ASB3: variants seen among roughly 807,000 people sequenced by gnomAD.
ASB3 encodes the protein ankyrin repeat and SOCS box protein 3.
ASB3 carries 41 observed loss-of-function variants against 54.5 expected under a neutral mutation model. The ratio of observed to expected loss-of-function variants is 0.75; its 90% CI spans 0.59 to 0.98. The LOEUF is 0.98. ASB3 is among the 50% of genes least tolerant of loss of function. The probability of loss-of-function intolerance (pLI) is 0.00; values close to 1 mark genes in which losing one functional copy is unlikely to be tolerated. For missense variants in ASB3, 733 were observed against 620.0 expected, an observed-to-expected ratio of 1.18 and a Z score of -1.94; for synonymous variants, 266 against 221.2, an observed-to-expected ratio of 1.20 and a Z score of -1.80.
At chr2:53,739,223 G>A (rs557179995) in intron 3 of ASB3, among the ~76,000 whole-genome samples, 73 of 152,242 alleles carry the variant, frequency 4.8e-4, no homozygotes, top group South Asian at 1.0e-3. Flanking sequence ...TTGAAAACAG[G>A]AAATTGAGAA....
intron 1 of ASB3, among the ~76,000 whole-genome samples, chr2:53,771,398 AAC>A (rs1673897436): frequency 6.6e-6 from 1 of 152,158 alleles, no homozygotes; most frequent in African/African-American, 2.4e-5. Context: ...CTGTAATCCC[AAC>A]TACTCAGGAG....
In ASB3 at chr2:53,707,361, G is replaced by T. The variant is rs1236409057; in HGVS notation, c.981-6833C>A. ...AGCTTGTTAGAAATGCAGAGTATGGGCCAGGTGTGGTGGCTCACGCCTGTA... is the reference window on the plus strand; with the variant it reads ...AGCTTGTTAGAAATGCAGAGTATGGTCCAGGTGTGGTGGCTCACGCCTGTA... On this transcript the variant is annotated intron_variant, in intron 7 of 9. Transcript: ENST00000263634. Among the ~76,000 whole-genome samples the T allele has an allele frequency of 3.9e-5, 6 of 152,346 alleles. No individual in the cohort carries two copies. The East Asian group carries it at 9.6e-4, about 24-fold the overall frequency.
intron 9 of ASB3, among the ~76,000 whole-genome samples, chr2:53,677,967 AT>A (rs1240641820): frequency 6.6e-5 from 10 of 152,110 alleles, no homozygotes; most frequent in Non-Finnish European, 1.0e-4. Flanking sequence ...GGTGGTAGTC[AT>A]TTTTATTTTA....
At chr2:53,679,740 T>TA (rs1668265474) in intron 9 of ASB3, among the ~76,000 whole-genome samples, 1 of 152,208 alleles carries the variant, frequency 6.6e-6, no homozygotes, top group African/African-American at 2.4e-5. Flanking sequence ...TTCATTCACA[T>TA]AATTTTTTTA....
At chr2:53,736,107 A>G (rs1482383517) in intron 3 of ASB3, among the ~76,000 whole-genome samples, 3 of 152,166 alleles carry the variant, frequency 2.0e-5, no homozygotes, top group Non-Finnish European at 4.4e-5. Flanking sequence ...ATAGTGATAA[A>G]TTGGACCACG....
intron 5 of ASB3, among the ~76,000 whole-genome samples, chr2:53,721,138 A>AAATG (rs1442442557): frequency 1.3e-5 from 2 of 149,716 alleles, no homozygotes; most frequent in African/African-American, 4.9e-5. Flanking sequence ...ATAAATAAAT[A>AAATG]AATAAATAAA....
At chr2:53,764,036 C>A (rs1352660872) in intron 2 of ASB3, among the ~76,000 whole-genome samples, 7 of 151,918 alleles carry the variant, frequency 4.6e-5, no homozygotes, top group Non-Finnish European at 1.0e-4. Context: ...AAGAAAAAAA[C>A]AAAACAACAA....
intron 5 of ASB3, among the ~76,000 whole-genome samples, chr2:53,726,547 C>T (rs958890687): frequency 1.3e-5 from 2 of 151,556 alleles, no homozygotes; most frequent in Admixed American, 1.3e-4. Flanking sequence ...AGGCATGAGG[C>T]ACTGCACCTG....
intron 1 of ASB3, among the ~76,000 whole-genome samples, chr2:53,773,076 CAGAT>C (rs1674058451): frequency 6.6e-6 from 1 of 152,030 alleles, no homozygotes; most frequent in Non-Finnish European, 1.5e-5. Context: ...TTAGTAATGG[CAGAT>C]AAATAATGGT....
intron 9 of ASB3, among the ~76,000 whole-genome samples, chr2:53,687,407 C>A (rs1343877650): frequency 6.6e-6 from 1 of 152,158 alleles, no homozygotes; most frequent in Non-Finnish European, 1.5e-5. Flanking sequence ...GTTTCCAGCT[C>A]AACAAATGAA....
At chr2:53,726,429 T>G (rs1293220402) in intron 5 of ASB3, among the ~76,000 whole-genome samples, 1 of 150,886 alleles carries the variant, frequency 6.6e-6, no homozygotes, top group African/African-American at 2.4e-5. Flanking sequence ...CCTGGCTAAT[T>G]TTTTGTATTT....
At chr2:53,780,553 G>C (rs990177026) in intron 1 of ASB3, among the ~76,000 whole-genome samples, 1 of 152,122 alleles carries the variant, frequency 6.6e-6, no homozygotes, top group Non-Finnish European at 1.5e-5. Context: ...CCAAAGCAAG[G>C]GGATCACTTG....
chr2:53,700,769 CA>C (rs1401680800), intron 7 of ASB3, among the ~76,000 whole-genome samples: 1 of 151,992 alleles, frequency 6.6e-6, no homozygotes, highest in Non-Finnish European at 1.5e-5. Context: ...TTAAAACATT[CA>C]TCTTAAATGT....
At chr2:53,771,429 C>G (rs970467684) in intron 1 of ASB3, among the ~76,000 whole-genome samples, 5 of 152,116 alleles carry the variant, frequency 3.3e-5, no homozygotes, top group Admixed American at 3.3e-4. Flanking sequence ...GAGAGAATTG[C>G]TTGAGCCCGA....
rs1342950790 is a variant in ASB3, at chr2:53,786,822, T to G, written c.-15A>C. Reference sequence around the variant, plus strand: ...CTGCCGCCTCCGAGACTCACCGACCTGCCGTGCTGCCACTTCTACACCGAA... The same window carrying G: ...CTGCCGCCTCCGAGACTCACCGACCGGCCGTGCTGCCACTTCTACACCGAA... On this transcript the variant is annotated splice_region_variant and 5_prime_UTR_variant, in exon 1 of 10. Coordinates refer to ENST00000263634, the MANE Select transcript of ASB3 (RefSeq NM_016115.5). 5.2e-6 allele frequency: 1 copy of G among 191,154 alleles called. No homozygotes were observed. Among genetic ancestry groups the G allele is most frequent in the Non-Finnish European group, 1.1e-5 (1 of 93,444 alleles). 11.8% of individuals were successfully genotyped at this position (191,154 alleles called of 1,614,324 possible).
chr2:53,727,757 C>G (rs546129150), intron 5 of ASB3, among the ~76,000 whole-genome samples: 139 of 152,094 alleles, frequency 9.1e-4, no homozygotes, highest in African/African-American at 3.1e-3. Flanking sequence ...ACAGAGTCTC[C>G]CTCTGTTGCC....
intron 5 of ASB3, among the ~76,000 whole-genome samples, chr2:53,720,062 A>C (rs1670611877): frequency 6.6e-6 from 1 of 152,060 alleles, no homozygotes; most frequent in Middle Eastern, 3.2e-3. Context: ...ACAGAACTCA[A>C]ACTCAAAGTC....
chr2:53,680,051 T>C (rs1668282721), intron 9 of ASB3, among the ~76,000 whole-genome samples: 1 of 152,212 alleles, frequency 6.6e-6, no homozygotes, highest in African/African-American at 2.4e-5. Flanking sequence ...GCTCCACCTC[T>C]GTTCCTGCAA....
intron 8 of ASB3, 25 bp from the exon 9 acceptor site, chr2:53,694,039 A>G (rs774069279): frequency 1.2e-6 from 2 of 1,609,576 alleles, no homozygotes; most frequent in Non-Finnish European, 1.7e-6. Flanking sequence ...TGTTAATATA[A>G]TATTAGAAAC....
Sources: gnomAD v4.1 joint callset for allele counts (sites outside exome capture counted in the v4.1 genomes callset) on GRCh38, gnomAD v4.1.1 for gene constraint, MANE v1.5 for transcripts, NCBI Gene and HGNC (gene_info 2026-07-23, HGNC 2026-07-21) for gene names.